The following KLRG1 variants were observed in gnomAD, a reference collection of about 807,000 sequenced individuals.
The protein encoded by KLRG1 is killer cell lectin like receptor G1.
KLRG1 carries 16 observed loss-of-function variants against 21.8 expected under a neutral mutation model. The observed-to-expected ratio is 0.73, with a 90% CI of 0.50 to 1.11. The LOEUF is 1.11. KLRG1 is among the 50% of genes most tolerant of loss of function. The probability of loss-of-function intolerance (pLI) is 0.00; values close to 1 mark genes in which losing one functional copy is unlikely to be tolerated. For synonymous variants in KLRG1, 69 were observed against 75.9 expected, an observed-to-expected ratio of 0.91 and a Z score of 0.47; for missense variants, 173 against 218.3, an observed-to-expected ratio of 0.79 and a Z score of 1.31.
At chr12:8,968,552 G>A (rs901665667) in intron 1 of KLRG1, among the ~76,000 whole-genome samples, 6 of 152,128 alleles carry the variant, frequency 3.9e-5, no homozygotes, top group Admixed American at 6.6e-5. Flanking sequence ...CCCACCCCAC[G>A]TAATTAACAG....
the KLRG1 span, chr12:9,165,903 A>C: frequency 1.2e-6 from 1 of 865,080 alleles, no homozygotes; most frequent in Non-Finnish European, 1.8e-6. Context: ...GAGCCTATGC[A>C]ATTGCGCATT....
At chr12:8,953,568 G>A (rs938313629) in intron 1 of KLRG1, among the ~76,000 whole-genome samples, 5 of 152,128 alleles carry the variant, frequency 3.3e-5, no homozygotes, top group African/African-American at 1.2e-4. Flanking sequence ...TTGGAGATGG[G>A]GTTTCACTGG....
chr12:9,072,613 G>A, the KLRG1 span: 1 of 1,605,232 alleles, frequency 6.2e-7, no homozygotes, highest in African/African-American at 1.3e-5. Flanking sequence ...AACAGCTGCT[G>A]TCCTCATCTG....
the KLRG1 span, among the ~76,000 whole-genome samples, chr12:9,206,400 T>A: frequency 6.6e-6 from 1 of 152,146 alleles, no homozygotes; most frequent in South Asian, 2.1e-4. Context: ...GATATTGAAA[T>A]CAGAACAAAT....
chr12:9,023,932 T>C, the KLRG1 span, among the ~76,000 whole-genome samples: 2 of 152,034 alleles, frequency 1.3e-5, no homozygotes, highest in Admixed American at 6.6e-5. Flanking sequence ...CCAATTATTT[T>C]AGAACCATTT....
chr12:9,080,656 A>G, the KLRG1 span, among the ~76,000 whole-genome samples: 1 of 152,332 alleles, frequency 6.6e-6, no homozygotes, highest in African/African-American at 2.4e-5. Context: ...TTTCATATAC[A>G]AAGATAGTAT....
At chr12:9,072,666 C>T in the KLRG1 span, 13 of 1,614,176 alleles carry the variant, frequency 8.1e-6, no homozygotes, top group Non-Finnish European at 1.0e-5. Flanking sequence ...GAGGTAGACA[C>T]ATCCTTCTCC....
At chr12:9,076,941 G>T in the KLRG1 span, 1 of 1,573,148 alleles carries the variant, frequency 6.4e-7, no homozygotes, top group South Asian at 1.2e-5. Context: ...AGGGTGCTGT[G>T]AAGGCAGAAC....
the KLRG1 span, chr12:9,113,292 C>G: frequency 6.5e-7 from 1 of 1,531,116 alleles, no homozygotes; most frequent in Non-Finnish European, 8.9e-7. Flanking sequence ...CCTCATCTGA[C>G]AGAATACTAG....
chr12:9,053,772 A>G, the KLRG1 span, among the ~76,000 whole-genome samples: 1 of 152,306 alleles, frequency 6.6e-6, no homozygotes, highest in African/African-American at 2.4e-5. Context: ...TACAGATAAC[A>G]ACTTGAACAT....
At chr12:8,998,410 T>C (rs1052163541) in intron 3 of KLRG1, among the ~76,000 whole-genome samples, 2 of 151,918 alleles carry the variant, frequency 1.3e-5, no homozygotes, top group Non-Finnish European at 2.9e-5. Flanking sequence ...TCTACTCCAG[T>C]GGGCATGGTG....
the KLRG1 span, among the ~76,000 whole-genome samples, chr12:9,159,668 G>A: frequency 6.6e-6 from 1 of 151,792 alleles, no homozygotes; most frequent in Non-Finnish European, 1.5e-5. Context: ...AGAGACCCAA[G>A]TGAGCCCATT....
chr12:9,109,331 C>A, the KLRG1 span: 2 of 1,612,184 alleles, frequency 1.2e-6, no homozygotes, highest in Non-Finnish European at 8.5e-7. Flanking sequence ...AGGCCACACA[C>A]TGATACATTC....
chr12:9,033,348 G>A, the KLRG1 span, among the ~76,000 whole-genome samples: 1 of 152,072 alleles, frequency 6.6e-6, no homozygotes, highest in Non-Finnish European at 1.5e-5. Context: ...GGGAGGCTGA[G>A]GTGAGAGGAT....
the KLRG1 span, among the ~76,000 whole-genome samples, chr12:9,084,890 T>G: frequency 6.6e-6 from 1 of 151,984 alleles, no homozygotes; most frequent in Non-Finnish European, 1.5e-5. Context: ...ATACTTATAT[T>G]CAACAAAACA....
At chr12:8,951,710 A>G (rs371798455) in intron 1 of KLRG1, among the ~76,000 whole-genome samples, 2 of 152,328 alleles carry the variant, frequency 1.3e-5, no homozygotes, top group South Asian at 2.1e-4. Context: ...CAGAGAAAAA[A>G]GACAAAAATC....
the KLRG1 span, chr12:9,077,611 T>C: frequency 3.2e-6 from 5 of 1,555,134 alleles, no homozygotes; most frequent in South Asian, 3.7e-5. Flanking sequence ...TCTGAGGCTT[T>C]CCCTTAGAAT....
At chr12:9,185,630 C>G in the KLRG1 span, among the ~76,000 whole-genome samples, 19 of 149,438 alleles carry the variant, frequency 1.3e-4, no homozygotes, top group Non-Finnish European at 2.8e-4. Context: ...GACACACAAT[C>G]ATCAGATTCA....
chr12:9,205,191 C>A, the KLRG1 span, among the ~76,000 whole-genome samples: 11 of 152,050 alleles, frequency 7.2e-5, no homozygotes, highest in Admixed American at 7.2e-4. Context: ...TTCAGTTTTT[C>A]AGAGGCACAG....
Sources: gnomAD v4.1 joint callset for allele counts (sites outside exome capture counted in the v4.1 genomes callset) on GRCh38, gnomAD v4.1.1 for gene constraint, MANE v1.5 for transcripts, NCBI Gene and HGNC (gene_info 2026-07-23, HGNC 2026-07-21) for gene names.